The following SHISAL1 variants were observed in gnomAD, a reference collection of about 807,000 sequenced individuals.
SHISAL1 encodes the protein shisa like 1.
A neutral mutation model predicts 22.6 loss-of-function variants in SHISAL1; 9 were observed. That is an observed-to-expected ratio of 0.40 (90% CI 0.24 to 0.70). The LOEUF (loss-of-function observed/expected upper bound fraction) is 0.70. SHISAL1 is among the 30% of genes least tolerant of loss of function. The pLI, the probability that SHISAL1 is intolerant of heterozygous loss-of-function variation, is 0.39. For synonymous variants in SHISAL1, 119 were observed against 115.4 expected (o/e 1.03, Z -0.20); for missense variants, 246 against 270.6 (o/e 0.91, Z 0.64).
chr22:44,266,528 A>ATGGGTATG lies in SHISAL1; in HGVS notation c.*-16844_*-16843insCATACCCA, dbSNP rs370971639. ...ATGTGTGTGTTGGGGGCTTTGGGGTATGTGTGTGTGTGTGTGTGTGTGTGT... is the reference window on the plus strand; with the variant it reads ...ATGTGTGTGTTGGGGGCTTTGGGGTATGGGTATGTGTGTGTGTGTGTGTGTGTGTGTGT... On this transcript the variant is annotated intron_variant, in intron 4 of 4. Coordinates refer to ENST00000381176, the MANE Select transcript of SHISAL1 (RefSeq NM_001099294.2). 7.8e-3 allele frequency among the ~76,000 whole-genome samples: 842 copies of ATGGGTATG among 108,400 alleles called. 10 individuals are homozygous for ATGGGTATG. The highest frequency in any genetic ancestry group is 0.023 in the East Asian group (82 of 3,496). The allele number at this position is 108,400 out of a possible 152,430, so 71.1% of individuals were successfully genotyped here. A position where few individuals can be genotyped will look rare whatever the true frequency, so the allele number is the denominator to read the frequency against.
Position 44,246,814 on chromosome 22 carries a change from T to G in SHISAL1, c.*2871A>C, listed in dbSNP as rs1405664331. On this transcript the variant is annotated 3_prime_UTR_variant, in exon 5 of 5. Transcript: ENST00000381176. The stretch of plus-strand genomic sequence containing the variant: ...AGGCTCTGAGAGGTTAAGTGGCTCG[T>G]GGGGGTGACCTGCAGGAAGGAGGAT... 1 of 37,574 alleles carries G rather than the reference T, an allele frequency of 2.7e-5. No individual in the cohort carries two copies. The highest frequency in any genetic ancestry group is 1.0e-4 in the African/African-American group (1 of 9,976). 2.3% of individuals were successfully genotyped at this position (37,574 alleles called of 1,614,324 possible).
At chr22:44,252,643 A>C (rs1212317485) in intron 4 of SHISAL1, among the ~76,000 whole-genome samples, 1 of 143,528 alleles carries the variant, frequency 7.0e-6, no homozygotes, top group African/African-American at 2.8e-5. Context: ...AAAAAAAAAA[A>C]AGACTGATCA....
intron 3 of SHISAL1, among the ~76,000 whole-genome samples, chr22:44,290,806 C>T (rs1036456977): frequency 6.6e-6 from 1 of 152,110 alleles, no homozygotes; most frequent in Non-Finnish European, 1.5e-5. Flanking sequence ...GAGACAGACC[C>T]CTGGAATGCT....
chr22:44,298,989 G>A lies in SHISAL1; in HGVS notation c.67+1890C>T, dbSNP rs1299116334. On this transcript the variant is annotated intron_variant, in intron 2 of 4. Coordinates refer to ENST00000381176, the MANE Select transcript of SHISAL1 (RefSeq NM_001099294.2). ...CTGGCATGAGGCTGCCTGGGCCATC[G>A]TGACCTCTCTGGCCTCCTCCCCTCA... is the stretch of plus-strand genomic sequence containing the variant. 2.0e-5 allele frequency among the ~76,000 whole-genome samples: 3 copies of A among 152,340 alleles called. No individual in the cohort carries two copies. In the East Asian group the frequency reaches 5.8e-4, roughly 29 times the overall value.
At chr22:44,267,055 G>A (rs938095255) in intron 4 of SHISAL1, among the ~76,000 whole-genome samples, 1 of 152,088 alleles carries the variant, frequency 6.6e-6, no homozygotes, top group African/African-American at 2.4e-5. Flanking sequence ...TGTTGTTGGA[G>A]CCCACGGATT....
intron 1 of SHISAL1, among the ~76,000 whole-genome samples, chr22:44,304,319 C>T (rs762688990): frequency 2.0e-5 from 3 of 152,238 alleles, no homozygotes; most frequent in Non-Finnish European, 4.4e-5. Context: ...ACGCACAGTG[C>T]TCATGGCCTG....
chr22:44,320,784 C>T, the SHISAL1 span, among the ~76,000 whole-genome samples: 1 of 152,108 alleles, frequency 6.6e-6, no homozygotes, highest in African/African-American at 2.4e-5. Context: ...GGTGCTCATG[C>T]CCAGGGAGGC....
At chr22:44,254,524 C>T (rs2055071393) in intron 4 of SHISAL1, among the ~76,000 whole-genome samples, 1 of 152,040 alleles carries the variant, frequency 6.6e-6, no homozygotes, top group Non-Finnish European at 1.5e-5. Flanking sequence ...CCACACCTAG[C>T]TAATTAAAAA....
At chr22:44,319,356 G>A in the SHISAL1 span, among the ~76,000 whole-genome samples, 6 of 152,234 alleles carry the variant, frequency 3.9e-5, no homozygotes, top group South Asian at 2.1e-4. Context: ...ACTTGGACCC[G>A]AGCTGGTTGG....
intron 4 of SHISAL1, among the ~76,000 whole-genome samples, chr22:44,263,828 T>C (rs2055143428): frequency 6.6e-6 from 1 of 152,220 alleles, no homozygotes. Context: ...GAAGTGTTCA[T>C]GAGTCTCCTT....
chr22:44,282,222 C>G lies in SHISAL1; in HGVS notation c.599+3206G>C, dbSNP rs147824206. On this transcript the variant is annotated intron_variant, in intron 4 of 4. Transcript: ENST00000381176. ...GGGCCCAGCAGTCGCCCAGCTTACTCCTCTGCCCCAGCTCTGGGATCTGCT... is the reference window on the plus strand; with the variant it reads ...GGGCCCAGCAGTCGCCCAGCTTACTGCTCTGCCCCAGCTCTGGGATCTGCT... Among the ~76,000 whole-genome samples, 131 of 152,346 alleles carry G rather than the reference C, an allele frequency of 8.6e-4. 2 individuals are homozygous for G. In the Middle Eastern group the frequency reaches 0.01, roughly 12 times the overall value.
At chr22:44,263,792 G>A (rs1290771071) in intron 4 of SHISAL1, among the ~76,000 whole-genome samples, 1 of 152,186 alleles carries the variant, frequency 6.6e-6, no homozygotes, top group Non-Finnish European at 1.5e-5. Context: ...CTCCAGCAGG[G>A]CCCCGTGCTG....
chr22:44,267,764 C>T lies in SHISAL1; in HGVS notation c.599+17664G>A, dbSNP rs1227880632. On this transcript the variant is annotated intron_variant, in intron 4 of 4. Coordinates refer to ENST00000381176, the MANE Select transcript of SHISAL1 (RefSeq NM_001099294.2). ...AGCTGTCTCTGCCTCAGTGCCTCTG[C>T]ACGTGCTATTTCCAGTGCCCGGACC... is the stretch of plus-strand genomic sequence containing the variant. Among the ~76,000 whole-genome samples the T allele has an allele frequency of 2.6e-5, 4 of 152,274 alleles. No individual in the cohort carries two copies. In the South Asian group the frequency reaches 6.2e-4, roughly 24 times the overall value.
At position 44,281,165 on chromosome 22, in the gene SHISAL1, G is replaced by T. The variant is rs564177228; in HGVS notation, c.599+4263C>A. Among the ~76,000 whole-genome samples the T allele has an allele frequency of 4.6e-5, 7 of 152,262 alleles. No homozygotes were observed. In the East Asian group the frequency reaches 1.4e-3, roughly 29 times the overall value. ...GGGACCAGGGCCCGCCACCTGAGGG[G>T]AGAGAAGGCTCAGCCCAGACCCTGT... is the stretch of plus-strand genomic sequence containing the variant. On this transcript the variant is annotated intron_variant, in intron 4 of 4. Transcript: ENST00000381176.
At chr22:44,271,634 C>T (rs1265048062) in intron 4 of SHISAL1, among the ~76,000 whole-genome samples, 1 of 152,232 alleles carries the variant, frequency 6.6e-6, no homozygotes. Flanking sequence ...CCATGGTCCT[C>T]CCTGACCCAT....
chr22:44,258,815 A>G (rs2055101936), intron 4 of SHISAL1, among the ~76,000 whole-genome samples: 1 of 152,204 alleles, frequency 6.6e-6, no homozygotes, highest in African/African-American at 2.4e-5. Flanking sequence ...AAACACTTCC[A>G]TGTTCCCAGC....
chr22:44,268,246 C>A (rs1459336539), intron 4 of SHISAL1, among the ~76,000 whole-genome samples: 1 of 152,214 alleles, frequency 6.6e-6, no homozygotes, highest in Non-Finnish European at 1.5e-5. Context: ...CTCTGAGATG[C>A]TGTCCTTTTC....
intron 2 of SHISAL1, among the ~76,000 whole-genome samples, chr22:44,299,318 C>T (rs775807671): frequency 4.3e-4 from 65 of 152,220 alleles, no homozygotes; most frequent in Non-Finnish European, 8.5e-4. Context: ...CACAGCTCCA[C>T]GTAACTCCTG....
intron 1 of SHISAL1, among the ~76,000 whole-genome samples, chr22:44,307,684 C>T (rs1054981852): frequency 4.6e-5 from 7 of 152,180 alleles, no homozygotes; most frequent in Non-Finnish European, 8.8e-5. Context: ...GCCACCCCTC[C>T]GGTCAGCCTG....
Sources: allele counts gnomAD v4.1 joint callset (sites outside exome capture counted in the v4.1 genomes callset), GRCh38; gene constraint gnomAD v4.1.1; transcripts MANE v1.5; gene names NCBI Gene and HGNC (gene_info 2026-07-23, HGNC 2026-07-21).